The following PXDNL variants were observed in gnomAD, a reference collection of about 807,000 sequenced individuals.
PXDNL encodes probable oxidoreductase PXDNL.
A neutral mutation model predicts 150.8 loss-of-function variants in PXDNL; 145 were observed. The observed-to-expected ratio is 0.96, with a 90% confidence interval of 0.84 to 1.10. The LOEUF is 1.10. PXDNL is among the 50% of genes least tolerant of loss of function. The pLI, the probability that PXDNL is intolerant of heterozygous loss-of-function variation, is 0.00. For synonymous variants in PXDNL, 757 were observed against 725.7 expected (o/e 1.04, Z -0.69); for missense variants, 2,087 against 1,873.9 (o/e 1.11, Z -2.10).
intron 2 of PXDNL, among the ~76,000 whole-genome samples, chr8:51,612,733 T>C (rs1814040698): frequency 6.6e-6 from 1 of 152,218 alleles, no homozygotes; most frequent in African/African-American, 2.4e-5. Flanking sequence ...GGAAGAGCCC[T>C]CGCCAGCCCC....
At chr8:51,675,513 G>A (rs539849544) in intron 1 of PXDNL, among the ~76,000 whole-genome samples, 1 of 152,062 alleles carries the variant, frequency 6.6e-6, no homozygotes, top group East Asian at 1.9e-4. Flanking sequence ...GCCCAGGCTT[G>A]GCCAGATGCA....
At chr8:51,504,019 A>C (rs1430270804) in intron 4 of PXDNL, among the ~76,000 whole-genome samples, 1 of 152,028 alleles carries the variant, frequency 6.6e-6, no homozygotes, top group East Asian at 1.9e-4. Context: ...ACTGCTGTAT[A>C]TCTATTTGCG....
chr8:51,353,421 T>G (rs1806411479), intron 19 of PXDNL, among the ~76,000 whole-genome samples: 2 of 152,124 alleles, frequency 1.3e-5, no homozygotes, highest in South Asian at 4.1e-4. Flanking sequence ...TTTCTGTATT[T>G]ACCTCTGTTA....
At chr8:51,666,102 A>G (rs1815379287) in intron 1 of PXDNL, among the ~76,000 whole-genome samples, 1 of 152,042 alleles carries the variant, frequency 6.6e-6, no homozygotes, top group Non-Finnish European at 1.5e-5. Context: ...CTCCTTTACC[A>G]CTTCGTTCAA....
intron 17 of PXDNL, among the ~76,000 whole-genome samples, chr8:51,390,852 G>A (rs1006621820): frequency 5.3e-5 from 8 of 151,556 alleles, no homozygotes; most frequent in East Asian, 1.9e-4. Context: ...CCATTAACTC[G>A]TCATTTAGCA....
chr8:51,382,178 G>A (rs541626910), intron 17 of PXDNL, among the ~76,000 whole-genome samples: 5 of 152,244 alleles, frequency 3.3e-5, no homozygotes, highest in Middle Eastern at 3.4e-3. Flanking sequence ...AACAAAGACC[G>A]AGAGTGAGAA....
At chr8:51,529,031 T>C (rs1475741186) in intron 4 of PXDNL, among the ~76,000 whole-genome samples, 2 of 152,240 alleles carry the variant, frequency 1.3e-5, no homozygotes, top group Non-Finnish European at 2.9e-5. Flanking sequence ...GGAACGAATA[T>C]AGTTACAAAT....
At chr8:51,515,462 C>T (rs902643678) in intron 4 of PXDNL, among the ~76,000 whole-genome samples, 4 of 152,194 alleles carry the variant, frequency 2.6e-5, no homozygotes, top group Non-Finnish European at 4.4e-5. Context: ...GCACTCTTGA[C>T]ACACACCACT....
chr8:51,790,784 T>TTA lies in PXDNL; in HGVS notation c.164+18395_164+18396dup, dbSNP rs200115480. On this transcript the variant is annotated intron_variant, in intron 1 of 22. Transcript: ENST00000356297. ...AGCGTTGAGGAGGGCTGCCACTCTT[T>TTA]TATATATATATATGTGTGTGTGTGT... 9.8e-3 allele frequency among the ~76,000 whole-genome samples: 758 copies of TTA among 77,366 alleles called. 36 individuals are homozygous for TTA. The highest frequency in any genetic ancestry group is 0.019 in the African/African-American group (712 of 37,882). 50.8% of individuals were successfully genotyped at this position (77,366 alleles called of 152,430 possible).
intron 2 of PXDNL, among the ~76,000 whole-genome samples, chr8:51,599,649 A>G (rs1379771723): frequency 1.4e-5 from 2 of 146,010 alleles, no homozygotes; most frequent in African/African-American, 2.5e-5. Context: ...TATCATTTAT[A>G]TAATAAATTA....
chr8:51,644,335 T>TATATATATATATATAG (rs1814856979), intron 2 of PXDNL, among the ~76,000 whole-genome samples: 1 of 48,696 alleles, frequency 2.1e-5, no homozygotes, highest in Non-Finnish European at 6.1e-5. Context: ...TATATATATA[T>TATATATATATATATAG]ATACACACAC....
intron 1 of PXDNL, among the ~76,000 whole-genome samples, chr8:51,700,831 C>T (rs987329011): frequency 3.3e-5 from 5 of 151,216 alleles, no homozygotes; most frequent in African/African-American, 1.2e-4. Context: ...TGCACACATA[C>T]ACACATATAC....
Position 51,705,832 on chromosome 8 carries a change from T to TGC in PXDNL, c.165-51074_165-51073dup, listed in dbSNP as rs10589855. Among the ~76,000 whole-genome samples the TGC allele has an allele frequency of 5.4e-3, 812 of 149,642 alleles. 2 individuals are homozygous for TGC. The highest frequency in any genetic ancestry group is 0.011 in the Middle Eastern group (3 of 284). On this transcript the variant is annotated intron_variant, in intron 1 of 22. Coordinates refer to ENST00000356297, the MANE Select transcript of PXDNL (RefSeq NM_144651.5). ...CTGTGTGTGTGTGTGTGTGTGTGTG[T>TGC]GCGCGCGCGCGCGCGCGCGCGTGCA...
At chr8:51,582,383 G>A (rs1046747584) in intron 3 of PXDNL, among the ~76,000 whole-genome samples, 2 of 152,078 alleles carry the variant, frequency 1.3e-5, no homozygotes, top group Admixed American at 1.3e-4. Context: ...ATGGTATCCT[G>A]AGCCGATCAA....
intron 17 of PXDNL, among the ~76,000 whole-genome samples, chr8:51,390,975 T>C (rs1423233509): frequency 4.6e-5 from 7 of 152,048 alleles, no homozygotes; most frequent in Non-Finnish European, 1.0e-4. Context: ...AATTCCCACC[T>C]ATGAGTGAGA....
chr8:51,474,910 T>C, intron 7 of PXDNL, 62 bp downstream of exon 7: 3 of 1,369,298 alleles, frequency 2.2e-6, no homozygotes, highest in South Asian at 3.0e-5. Context: ...ATAATAAACC[T>C]TTACAAAAAG....
chr8:51,748,762 G>A (rs574376751), intron 1 of PXDNL, among the ~76,000 whole-genome samples: 39 of 152,280 alleles, frequency 2.6e-4, no homozygotes, highest in Admixed American at 6.5e-4. Context: ...GCCTCCTGCC[G>A]TGGGTCTTTC....
At chr8:51,334,780 TC>T (rs1445403198) in intron 21 of PXDNL, among the ~76,000 whole-genome samples, 1 of 152,184 alleles carries the variant, frequency 6.6e-6, no homozygotes, top group Non-Finnish European at 1.5e-5. Context: ...TATTCCTTCC[TC>T]ATATACTTAG....
intron 1 of PXDNL, among the ~76,000 whole-genome samples, chr8:51,760,548 T>C (rs1401526860): frequency 6.6e-6 from 1 of 152,226 alleles, no homozygotes; most frequent in African/African-American, 2.4e-5. Context: ...ACTTTCTAAC[T>C]CCATGTATGT....
Sources: allele counts gnomAD v4.1 joint callset (sites outside exome capture counted in the v4.1 genomes callset), GRCh38; gene constraint gnomAD v4.1.1; transcripts MANE v1.5; gene names NCBI Gene and HGNC (gene_info 2026-07-23, HGNC 2026-07-21).